Variants in DSCAML1 observed in about 807,000 individuals in gnomAD.
DSCAML1 encodes the protein DS cell adhesion molecule like 1.
Under a neutral mutation model 200.5 loss-of-function variants are expected in DSCAML1, and 38 were observed. The ratio of observed to expected loss-of-function variants is 0.19; its 90% CI spans 0.15 to 0.25. The LOEUF (loss-of-function observed/expected upper bound fraction) is 0.25, where lower values mean the gene tolerates loss of function less well. DSCAML1 is among the 10% of genes least tolerant of loss of function. The pLI, the probability that DSCAML1 is intolerant of heterozygous loss-of-function variation, is 1.00. For synonymous variants in DSCAML1, 1,215 were observed against 1,165.0 expected (o/e 1.04, Z -0.87); for missense variants, 2,223 against 2,858.8 (o/e 0.78, Z 5.07).
intron 11 of DSCAML1, among the ~76,000 whole-genome samples, chr11:117,486,102 T>C (rs2049042853): frequency 6.6e-6 from 1 of 152,216 alleles, no homozygotes; most frequent in South Asian, 2.1e-4. Context: ...CCAGACTCCA[T>C]GGAAAAGGCT....
intron 32 of DSCAML1, among the ~76,000 whole-genome samples, 158 bp from the exon 33 acceptor site, chr11:117,428,961 C>G (rs2047726999): frequency 6.6e-6 from 1 of 152,190 alleles, no homozygotes; most frequent in African/African-American, 2.4e-5. Context: ...AGGTCGGGTA[C>G]TTGGCCCTTC....
At chr11:117,593,711 GTTT>G (rs374196105) in intron 3 of DSCAML1, among the ~76,000 whole-genome samples, 51,129 of 131,924 alleles carry the variant, frequency 0.39, 10,231 homozygotes, top group African/African-American at 0.6. Flanking sequence ...TATATTTCTT[GTTT>G]TTTTTTTTTT....
intron 3 of DSCAML1, among the ~76,000 whole-genome samples, chr11:117,776,407 C>T (rs747799507): frequency 8.3e-4 from 126 of 152,106 alleles, no homozygotes; most frequent in Non-Finnish European, 1.1e-3. Context: ...ACCACAAACC[C>T]GCCTCTCATT....
intron 3 of DSCAML1, among the ~76,000 whole-genome samples, chr11:117,687,426 A>ATTTTAAATTTTT (rs552784985): frequency 1.1e-4 from 11 of 97,648 alleles, no homozygotes; most frequent in African/African-American, 3.3e-4. Context: ...ATGCCTGGCT[A>ATTTTAAATTTTT]TTTTTTTTTT....
chr11:117,670,787 A>T (rs2137669259), intron 3 of DSCAML1, among the ~76,000 whole-genome samples: 1 of 152,268 alleles, frequency 6.6e-6, no homozygotes, highest in South Asian at 2.1e-4. Flanking sequence ...AGAATCCATT[A>T]AGACTTTGGG....
chr11:117,487,153 G>GGA (rs2049089554), intron 11 of DSCAML1, among the ~76,000 whole-genome samples: 1 of 151,904 alleles, frequency 6.6e-6, no homozygotes, highest in Non-Finnish European at 1.5e-5. Context: ...TTGAACTCCT[G>GGA]ATCTCAGGTG....
chr11:117,448,006 T>C (rs1258172588), intron 20 of DSCAML1, among the ~76,000 whole-genome samples: 1 of 152,246 alleles, frequency 6.6e-6, no homozygotes, highest in African/African-American at 2.4e-5. Context: ...CCTACAGGGC[T>C]GAACTGAAGT....
intron 3 of DSCAML1, among the ~76,000 whole-genome samples, chr11:117,743,003 T>TAATCCATCCATC (rs143696830): frequency 6.6e-6 from 1 of 150,892 alleles, no homozygotes; most frequent in Non-Finnish European, 1.5e-5. Context: ...CACTCCACTT[T>TAATCCATCCATC]CATCCATCCA....
chr11:117,755,776 C>A (rs2054678679), intron 3 of DSCAML1, among the ~76,000 whole-genome samples: 2 of 152,152 alleles, frequency 1.3e-5, no homozygotes, highest in South Asian at 2.1e-4. Flanking sequence ...GGGGCTGACA[C>A]CATGGAAACA....
chr11:117,482,012 T>C lies in DSCAML1; in HGVS notation c.2510A>G (p.Tyr837Cys), dbSNP rs2048934476. 1 of 1,614,184 alleles carries C rather than the reference T, an allele frequency of 6.2e-7. No individual in the cohort carries two copies. The highest frequency in any genetic ancestry group is 8.5e-7 in the Non-Finnish European group (1 of 1,179,996). The stretch of plus-strand genomic sequence containing the variant: ...GCCGTTGTCCTTGGTGGCGATGGCA[T>C]ACCGCATGACGCGGTCAGGGTCGAT... ...TVIDPDRVMRYAIATKDNGDE... is the reference protein window; with the variant it reads ...TVIDPDRVMRCAIATKDNGDE... Residue 837 changes from tyrosine (Y) to cysteine (C), a missense_variant, in exon 12 of 33, where the codon TAT becomes TGT. By Grantham distance (194) the Tyr-to-Cys change is radical. Coordinates refer to ENST00000651296, the MANE Select transcript of DSCAML1 (RefSeq NM_020693.4).
intron 3 of DSCAML1, among the ~76,000 whole-genome samples, chr11:117,742,400 C>A (rs749122955): frequency 3.9e-5 from 6 of 152,166 alleles, no homozygotes; most frequent in Non-Finnish European, 7.3e-5. Flanking sequence ...CATTTTGGGA[C>A]GCTGGTGGTA....
At position 117,642,296 on chromosome 11, in the gene DSCAML1, C is replaced by T. The variant is rs1200969642; in HGVS notation, c.512-109774G>A. Among the ~76,000 whole-genome samples the T allele has an allele frequency of 6.6e-6, 1 of 152,142 alleles. No homozygotes were observed. Among genetic ancestry groups the T allele is most frequent in the African/African-American group, 2.4e-5 (1 of 41,426 alleles). On this transcript the variant is annotated intron_variant, in intron 3 of 32. Transcript: ENST00000651296. This position sits in a 1 kb window ranked among gnomAD's most constrained non-coding sequence, Gnocchi z 4.1. The stretch of plus-strand genomic sequence containing the variant: ...ACAGTGCCCCTCTGAGGCTCTGAAC[C>T]ACTCTTCTTCCTATCTCACACCTGC...
At chr11:117,527,605 C>T (rs1291104069) in intron 4 of DSCAML1, among the ~76,000 whole-genome samples, 2 of 152,334 alleles carry the variant, frequency 1.3e-5, no homozygotes, top group East Asian at 1.9e-4. Context: ...AGACCAGCGA[C>T]GTACAGGGAC....
At chr11:117,782,163 TG>T (rs1468549401) in intron 1 of DSCAML1, among the ~76,000 whole-genome samples, 1 of 152,056 alleles carries the variant, frequency 6.6e-6, no homozygotes, top group East Asian at 1.9e-4. Context: ...CTTTATAGGA[TG>T]GGGGAGGGCC....
chr11:117,634,941 C>T (rs997639553), intron 3 of DSCAML1, among the ~76,000 whole-genome samples: 5 of 152,202 alleles, frequency 3.3e-5, no homozygotes, highest in Admixed American at 6.5e-5. Flanking sequence ...TTGTCTCTGG[C>T]GCAGTGCTGT....
intron 3 of DSCAML1, among the ~76,000 whole-genome samples, chr11:117,593,095 C>T (rs553921936): frequency 1.5e-4 from 23 of 152,376 alleles, no homozygotes; most frequent in African/African-American, 5.5e-4. Context: ...GAGGCTGTCC[C>T]TGTTCCTCAC....
chr11:117,462,045 C>T lies in DSCAML1; in HGVS notation c.3266-449G>A, dbSNP rs889205092. Among the ~76,000 whole-genome samples the T allele has an allele frequency of 2.0e-5, 3 of 152,288 alleles. No homozygotes were observed. The East Asian group carries it at 5.8e-4, about 29-fold the overall frequency. ...CTGATGGCTGCCAGCCCCTCTGTGTCGTCTGACCAGGGGTCTGGGCCAAGG... is the reference window on the plus strand; with the variant it reads ...CTGATGGCTGCCAGCCCCTCTGTGTTGTCTGACCAGGGGTCTGGGCCAAGG... On this transcript the variant is annotated intron_variant, in intron 17 of 32. Transcript: ENST00000651296.
intron 3 of DSCAML1, among the ~76,000 whole-genome samples, chr11:117,603,618 A>C (rs2051507643): frequency 6.6e-6 from 1 of 152,230 alleles, no homozygotes; most frequent in Admixed American, 6.5e-5. Flanking sequence ...GCATAAGGCT[A>C]ATGTCATAAA....
chr11:117,429,664 G>T lies in DSCAML1; in HGVS notation c.5687-861C>A, dbSNP rs61905260. Among the ~76,000 whole-genome samples, 23 of 152,228 alleles carry T rather than the reference G, an allele frequency of 1.5e-4. 1 individual carries two copies. The highest frequency in any genetic ancestry group is 4.8e-4 in the African/African-American group (20 of 41,532). On this transcript the variant is annotated intron_variant, in intron 32 of 32. Transcript: ENST00000651296. ...GCTGGGATTACAGGCATGAGCCGCC[G>T]CACCCAACCTAGTTCCTTATTTCTT...
Sources: allele counts gnomAD v4.1 joint callset (sites outside exome capture counted in the v4.1 genomes callset), GRCh38; gene constraint gnomAD v4.1.1; non-coding constraint Gnocchi (gnomAD v3.1); transcripts MANE v1.5; gene names NCBI Gene and HGNC (gene_info 2026-07-23, HGNC 2026-07-21).